The following CEP164 variants were observed in gnomAD, a reference collection of about 807,000 sequenced individuals.
The protein encoded by CEP164 is centrosomal protein 164.
In CEP164, 162 loss-of-function variants were observed where a neutral mutation model predicts 182.7. The observed-to-expected ratio is 0.89, with a 90% CI of 0.78 to 1.01. The LOEUF is 1.01. CEP164 is among the 50% of genes least tolerant of loss of function. The probability of loss-of-function intolerance (pLI) is 0.00; values close to 1 mark genes in which losing one functional copy is unlikely to be tolerated. For missense variants in CEP164, 1,735 were observed against 1,790.4 expected, an observed-to-expected ratio of 0.97 and a Z score of 0.56; for synonymous variants, 661 against 690.0, an observed-to-expected ratio of 0.96 and a Z score of 0.66.
At chr11:117,372,860 C>T (rs920730239) in intron 9 of CEP164, among the ~76,000 whole-genome samples, 6 of 152,254 alleles carry the variant, frequency 3.9e-5, no homozygotes, top group East Asian at 1.9e-4. Context: ...TCTGCCCCAG[C>T]GTAGGTAGAT....
chr11:117,351,469 A>G (rs1015551420), intron 4 of CEP164, among the ~76,000 whole-genome samples: 1 of 152,184 alleles, frequency 6.6e-6, no homozygotes, highest in Admixed American at 6.5e-5. Flanking sequence ...AAATAAAACC[A>G]AGTTTGTTCC....
intron 2 of CEP164, among the ~76,000 whole-genome samples, chr11:117,335,939 A>G (rs958542342): frequency 2.0e-5 from 3 of 152,148 alleles, no homozygotes; most frequent in Non-Finnish European, 2.9e-5. Flanking sequence ...TTCAATATTT[A>G]GTTCATCATC....
intron 11 of CEP164, among the ~76,000 whole-genome samples, chr11:117,377,860 T>A (rs1374689930): frequency 6.6e-6 from 1 of 152,096 alleles, no homozygotes; most frequent in Non-Finnish European, 1.5e-5. Context: ...TTCTTTCTTT[T>A]CTTTTCTTTC....
chr11:117,326,763 T>A (rs1022973953), upstream of CEP164, among the ~76,000 whole-genome samples: 1 of 152,238 alleles, frequency 6.6e-6, no homozygotes, highest in Non-Finnish European at 1.5e-5. Context: ...ACTGGGACTA[T>A]CCTGAGTCAG....
At chr11:117,391,261 C>A (rs1222726329) in intron 17 of CEP164, 46 bp downstream of exon 17, 1 of 1,546,596 alleles carries the variant, frequency 6.5e-7, no homozygotes, top group Non-Finnish European at 8.8e-7. Flanking sequence ...TGTGTCTGGG[C>A]TGCCTGGGGA....
chr11:117,365,987 C>G (rs1442905297), intron 8 of CEP164, among the ~76,000 whole-genome samples: 1 of 152,084 alleles, frequency 6.6e-6, no homozygotes, highest in African/African-American at 2.4e-5. Flanking sequence ...ATAGGCACCC[C>G]AGTGTGATGA....
chr11:117,386,298 CCTCATGCTTTATCCTG>C (rs747037989), intron 14 of CEP164: 18 of 152,300 alleles, frequency 1.2e-4, no homozygotes, highest in East Asian at 1.2e-3. Context: ...CTCATGGTTT[CCTCATGCTTTATCCTG>C]CTCATGCTTT....
intron 11 of CEP164, among the ~76,000 whole-genome samples, chr11:117,376,135 CCTGCTGCTCACCAGCTGGAT>C (rs1285551847): frequency 6.6e-6 from 1 of 152,176 alleles, no homozygotes; most frequent in Non-Finnish European, 1.5e-5. Flanking sequence ...GCCCAGCCCA[CCTGCTGCTCACCAGCTGGAT>C]CTGCTGCTCG....
intron 8 of CEP164, among the ~76,000 whole-genome samples, chr11:117,369,348 A>G (rs2041971256): frequency 1.3e-5 from 2 of 152,252 alleles, no homozygotes; most frequent in South Asian, 4.1e-4. Flanking sequence ...TGAGGCACAT[A>G]GAAGTAAATA....
intron 27 of CEP164, among the ~76,000 whole-genome samples, chr11:117,401,399 T>G (rs2046117628): frequency 6.6e-6 from 1 of 152,208 alleles, no homozygotes; most frequent in African/African-American, 2.4e-5. Context: ...TATTGAGAAT[T>G]TTCACATTGA....
intron 30 of CEP164, chr11:117,410,409 G>A (rs1344774194): frequency 3.5e-6 from 1 of 283,264 alleles, no homozygotes; most frequent in African/African-American, 2.2e-5. Context: ...AGGAAACTGA[G>A]TTTCAGAGAG....
rs7936772 is a variant in CEP164, at chr11:117,345,297, C to T, written c.194+1020C>T. Among the ~76,000 whole-genome samples, 1,008 of 152,282 alleles carry T rather than the reference C, an allele frequency of 6.6e-3. 13 individuals are homozygous for T. The highest frequency in any genetic ancestry group is 0.021 in the African/African-American group (875 of 41,558). ...ATGTCACTGCCTCTGTCTTCCTCCT[C>T]CTCCTGAGGACTGCAGTGCTCCCTG... On this transcript the variant is annotated intron_variant, in intron 4 of 32. Transcript: ENST00000278935.
At chr11:117,387,098 C>G in intron 14 of CEP164, 105 bp from the exon 15 acceptor site, 1 of 1,006,280 alleles carries the variant, frequency 9.9e-7, no homozygotes, top group South Asian at 1.5e-5. Context: ...ATTGTGGGCC[C>G]TCCATTAGGA....
intron 15 of CEP164, among the ~76,000 whole-genome samples, chr11:117,388,528 C>T (rs991789517): frequency 6.6e-6 from 1 of 152,194 alleles, no homozygotes; most frequent in African/African-American, 2.4e-5. Context: ...TGGGAACTTC[C>T]ATGTGGTAGA....
chr11:117,331,152 A>G (rs1216855476), intron 1 of CEP164, among the ~76,000 whole-genome samples: 1 of 152,218 alleles, frequency 6.6e-6, no homozygotes, highest in East Asian at 1.9e-4. Context: ...CAGATGTGCA[A>G]AACTCTAGCT....
At chr11:117,341,219 C>T (rs1024058156) in intron 3 of CEP164, among the ~76,000 whole-genome samples, 3 of 152,250 alleles carry the variant, frequency 2.0e-5, no homozygotes, top group South Asian at 4.1e-4. Context: ...AAACTTTCTT[C>T]GGCCCAGTCC....
intron 4 of CEP164, among the ~76,000 whole-genome samples, chr11:117,349,242 C>T (rs894404944): frequency 2.6e-5 from 4 of 152,042 alleles, no homozygotes; most frequent in Admixed American, 1.3e-4. Flanking sequence ...AGGCTGGTCT[C>T]GAACTCCCGA....
intron 11 of CEP164, among the ~76,000 whole-genome samples, chr11:117,378,158 C>T (rs971466271): frequency 2.6e-5 from 4 of 152,106 alleles, no homozygotes; most frequent in East Asian, 1.9e-4. Context: ...CATGAGCCAC[C>T]GTGCTCGGCA....
At chr11:117,355,747 C>T in intron 5 of CEP164, 1 of 1,137,496 alleles carries the variant, frequency 8.8e-7, no homozygotes, top group Non-Finnish European at 1.1e-6. Flanking sequence ...CCAAGCTTGT[C>T]AATAAGGATA....
Sources: gnomAD v4.1 joint callset for allele counts (sites outside exome capture counted in the v4.1 genomes callset) on GRCh38, gnomAD v4.1.1 for gene constraint, MANE v1.5 for transcripts, NCBI Gene and HGNC (gene_info 2026-07-23, HGNC 2026-07-21) for gene names.